Variants in DLG5 observed in about 807,000 individuals in gnomAD.
DLG5 encodes the protein discs large MAGUK scaffold protein 5, also known as disks large homolog 5.
In DLG5, 48 loss-of-function variants were observed where a neutral mutation model predicts 189.8. That is an observed-to-expected ratio of 0.25 (90% CI 0.20 to 0.32). The LOEUF (loss-of-function observed/expected upper bound fraction) is 0.32. DLG5 is among the 10% of genes least tolerant of loss of function. The pLI is 1.00. For synonymous variants in DLG5, 1,016 were observed against 1,054.1 expected, an observed-to-expected ratio of 0.96 and a Z score of 0.70; for missense variants, 2,160 against 2,544.7, an observed-to-expected ratio of 0.85 and a Z score of 3.25.
At chr10:77,830,569 C>G (rs749541929) in intron 10 of DLG5, among the ~76,000 whole-genome samples, 172 bp downstream of exon 10, 1 of 152,186 alleles carries the variant, frequency 6.6e-6, no homozygotes, top group Non-Finnish European at 1.5e-5. Flanking sequence ...CCTGCCCTTC[C>G]CCAGCTGCAA....
intron 2 of DLG5, among the ~76,000 whole-genome samples, chr10:77,864,216 C>G (rs1844583463): frequency 6.6e-6 from 1 of 152,200 alleles, no homozygotes; most frequent in Admixed American, 6.5e-5. Flanking sequence ...TCCCACTGAC[C>G]CTGGAGGCGC....
intron 7 of DLG5, among the ~76,000 whole-genome samples, chr10:77,837,433 G>A (rs772328154): frequency 4.5e-4 from 69 of 152,126 alleles, no homozygotes; most frequent in Non-Finnish European, 8.1e-4. Flanking sequence ...AGGACGACAG[G>A]CAGCGCAGGA....
intron 1 of DLG5, among the ~76,000 whole-genome samples, chr10:77,904,972 T>C (rs556890798): frequency 3.3e-5 from 5 of 151,636 alleles, no homozygotes; most frequent in Admixed American, 1.3e-4. Flanking sequence ...CTACTAAAAA[T>C]ACAAAAATTA....
intron 23 of DLG5, 139 bp from the exon 24 acceptor site, chr10:77,809,869 G>C (rs3816171): frequency 0.042 from 42,892 of 1,012,018 alleles, 2,041 homozygotes; most frequent in African/African-American, 0.18. Context: ...GTGGCCTCTA[G>C]TTCTACTGGC....
In DLG5 at chr10:77,896,610, G is replaced by A. The variant is rs183822035; in HGVS notation, c.305-27413C>T. Among the ~76,000 whole-genome samples, 233 of 151,162 alleles carry A rather than the reference G, an allele frequency of 1.5e-3. 2 individuals carry two copies. The highest frequency in any genetic ancestry group is 5.5e-3 in the African/African-American group (228 of 41,454). ...AATCCCAGCACTTTGGGAGGCCAAG[G>A]GGGGGTGGATCACTGAGGTCAGGAG... On this transcript the variant is annotated intron_variant, in intron 1 of 31. Transcript: ENST00000372391.
rs1356854416 is a variant in DLG5 at position 77,821,717 on chromosome 10, C to T, written c.2767G>A (p.Val923Met). ...RRPLLPFETE[V>M]GPCGVGEASL... is the part of the protein sequence containing the mutation. ...GCCTCCCCAACCCCACAGGGGCCCA[C>T]CTCGGTCTCAAAGGGCAGCAGTGGC... The change falls in exon 15 of 32, where the codon GTG becomes ATG. Residue 923 changes from valine (V) to methionine (M), a missense_variant. Coordinates refer to ENST00000372391, the MANE Select transcript of DLG5 (RefSeq NM_004747.4). The T allele has an allele frequency of 1.2e-6, 2 of 1,611,560 alleles. No homozygotes were observed. The highest frequency in any genetic ancestry group is 1.7e-6 in the Non-Finnish European group (2 of 1,179,372).
At chr10:77,913,182 A>G (rs1424615893) in intron 1 of DLG5, among the ~76,000 whole-genome samples, 1 of 152,216 alleles carries the variant, frequency 6.6e-6, no homozygotes, top group Non-Finnish European at 1.5e-5. Flanking sequence ...AACCATGGCT[A>G]AACAGTTTCA....
chr10:77,904,563 T>G (rs1215430806), intron 1 of DLG5, among the ~76,000 whole-genome samples: 1 of 152,066 alleles, frequency 6.6e-6, no homozygotes, highest in African/African-American at 2.4e-5. Flanking sequence ...GGTAACTGAA[T>G]CATAAGGGCC....
chr10:77,896,028 T>C (rs1033373388), intron 1 of DLG5, among the ~76,000 whole-genome samples: 21 of 152,150 alleles, frequency 1.4e-4, no homozygotes, highest in Non-Finnish European at 1.5e-5. Flanking sequence ...GGCGTGGTGA[T>C]GCACGCCTGT....
chr10:77,871,037 G>A (rs528006419), intron 1 of DLG5, among the ~76,000 whole-genome samples: 16 of 152,320 alleles, frequency 1.1e-4, no homozygotes, highest in African/African-American at 3.4e-4. Context: ...AGGCGTGACC[G>A]GCAATGACCA....
At chr10:77,892,445 G>A (rs943412141) in intron 1 of DLG5, among the ~76,000 whole-genome samples, 52 of 152,334 alleles carry the variant, frequency 3.4e-4, no homozygotes, top group Middle Eastern at 3.4e-3. Context: ...GACACTAGAT[G>A]TGTTCTTACT....
intron 1 of DLG5, among the ~76,000 whole-genome samples, chr10:77,903,086 A>G (rs1395338771): frequency 1.3e-5 from 2 of 152,230 alleles, no homozygotes; most frequent in African/African-American, 4.8e-5. Context: ...GGTTCAATGT[A>G]CATACACTTT....
chr10:77,808,971 T>C (rs1460645526), intron 24 of DLG5, among the ~76,000 whole-genome samples: 1 of 151,876 alleles, frequency 6.6e-6, no homozygotes, highest in African/African-American at 2.4e-5. Flanking sequence ...TGTTGGCGCA[T>C]GCCTGTAATC....
In DLG5 at chr10:77,811,938, G is replaced by T; in HGVS notation, c.4308C>A (p.Ser1436Arg). 1 of 1,606,182 alleles carries T rather than the reference G, an allele frequency of 6.2e-7. No individual in the cohort carries two copies. ...CCCGCACTCACCTGGACCGGGAGTG[G>T]CTGCTGAGCTGGTGCACGTGGGGGT... ...QYNPHVHQLS[S>R]HSRSSSHLDP... is the part of the protein sequence containing the mutation. The change falls in exon 22 of 32, where the codon AGC becomes AGA. Residue 1436 changes from serine (S) to arginine (R), a missense_variant. Around this residue, in one of 5 missense-constraint regions of DLG5, gnomAD observed 574 missense variants for 644.2 expected, o/e 0.89. Coordinates refer to ENST00000372391, the MANE Select transcript of DLG5 (RefSeq NM_004747.4).
At chr10:77,839,570 C>T (rs531955766) in intron 7 of DLG5, among the ~76,000 whole-genome samples, 4 of 152,274 alleles carry the variant, frequency 2.6e-5, no homozygotes, top group Admixed American at 2.0e-4. Context: ...ATTCCCCAGG[C>T]GTGTGTCTGA....
At chr10:77,895,371 T>C (rs1845728299) in intron 1 of DLG5, among the ~76,000 whole-genome samples, 1 of 152,186 alleles carries the variant, frequency 6.6e-6, no homozygotes, top group East Asian at 1.9e-4. Flanking sequence ...TGACCCCACA[T>C]CAAAAGGGGA....
At chr10:77,865,884 C>T (rs999317217) in intron 2 of DLG5, among the ~76,000 whole-genome samples, 3 of 152,086 alleles carry the variant, frequency 2.0e-5, no homozygotes, top group Non-Finnish European at 2.9e-5. Flanking sequence ...CCCGACAGAC[C>T]GCCTGAGAGA....
At chr10:77,812,629 A>G (rs1841838610) in intron 20 of DLG5, among the ~76,000 whole-genome samples, 2 of 152,292 alleles carry the variant, frequency 1.3e-5, no homozygotes, top group Middle Eastern at 6.8e-3. Context: ...AGACACAGAG[A>G]ACGGTCCGTG....
chr10:77,872,064 G>A (rs76632036), intron 1 of DLG5, among the ~76,000 whole-genome samples: 5,477 of 152,230 alleles, frequency 0.036, 330 homozygotes, highest in African/African-American at 0.13. Flanking sequence ...ACATGTTGGT[G>A]GATTGTTTTT....
Sources: gnomAD v4.1 joint callset for allele counts (sites outside exome capture counted in the v4.1 genomes callset) on GRCh38, gnomAD v4.1.1 for gene constraint, gnomAD v4.1.1 regional missense constraint, MANE v1.5 for transcripts, NCBI Gene and HGNC (gene_info 2026-07-23, HGNC 2026-07-21) for gene names.